Variants in ASIC2 observed in about 807,000 individuals in gnomAD.
ASIC2 encodes the protein acid-sensing ion channel 2.
A neutral mutation model predicts 57.3 loss-of-function variants in ASIC2; 25 were observed. The ratio of observed to expected loss-of-function variants is 0.44; its 90% CI spans 0.32 to 0.61. The LOEUF is 0.61. ASIC2 is among the 20% of genes least tolerant of loss of function. The pLI is 0.06. For synonymous variants in ASIC2, 319 were observed against 307.5 expected, an observed-to-expected ratio of 1.04 and a Z score of -0.39; for missense variants, 641 against 738.1, an observed-to-expected ratio of 0.87 and a Z score of 1.52.
chr17:34,062,065 A>T lies in ASIC2; in HGVS notation c.555+93913T>A, dbSNP rs1180815589. Among the ~76,000 whole-genome samples, 3 of 152,212 alleles carry T rather than the reference A, an allele frequency of 2.0e-5. 1 individual carries two copies. Among genetic ancestry groups the T allele is most frequent in the Admixed American group, 2.0e-4 (3 of 15,284 alleles). The stretch of plus-strand genomic sequence containing the variant: ...GAACATTTCATCCAACAACCATAGA[A>T]TACACATTCTATTCGACAGTGCATG... On this transcript the variant is annotated intron_variant, in intron 1 of 9. Coordinates refer to the ASIC2 transcript ENST00000359872.
intron 1 of ASIC2, among the ~76,000 whole-genome samples, chr17:33,816,469 G>A (rs1296043126): frequency 6.6e-6 from 1 of 152,156 alleles, no homozygotes; most frequent in Non-Finnish European, 1.5e-5. Context: ...GACAGATGAG[G>A]CAAATGAAGC....
chr17:33,873,057 G>A (rs1914460699), intron 1 of ASIC2, among the ~76,000 whole-genome samples: 3 of 152,122 alleles, frequency 2.0e-5, no homozygotes, highest in African/African-American at 4.8e-5. Context: ...AAAACCCAAC[G>A]CAGAACTCCT....
chr17:33,343,886 T>G (rs551021862), intron 1 of ASIC2, among the ~76,000 whole-genome samples: 22 of 152,366 alleles, frequency 1.4e-4, no homozygotes, highest in African/African-American at 5.0e-4. Context: ...GAAAAGCGAC[T>G]GTGCCTTTGC....
chr17:33,665,536 G>A (rs1907443893), intron 1 of ASIC2, among the ~76,000 whole-genome samples: 1 of 152,180 alleles, frequency 6.6e-6, no homozygotes, highest in Non-Finnish European at 1.5e-5. Flanking sequence ...AATCTTTTAA[G>A]AAAAGACAAG....
At chr17:33,128,372 C>A (rs114196237) in intron 1 of ASIC2, among the ~76,000 whole-genome samples, 1 of 152,218 alleles carries the variant, frequency 6.6e-6, no homozygotes, top group Non-Finnish European at 1.5e-5. Flanking sequence ...CTGATTGATG[C>A]TTGTCTCTCC....
intron 1 of ASIC2, among the ~76,000 whole-genome samples, chr17:33,694,211 C>T (rs534628929): frequency 1.4e-4 from 22 of 152,270 alleles, no homozygotes; most frequent in African/African-American, 5.3e-4. Context: ...GGGTTTAAAA[C>T]GTTTAAAACT....
At chr17:34,088,190 T>C (rs1336908557) in intron 1 of ASIC2, among the ~76,000 whole-genome samples, 1 of 152,210 alleles carries the variant, frequency 6.6e-6, no homozygotes, top group African/African-American at 2.4e-5. Flanking sequence ...TTTTGGTCTT[T>C]GATGATGGTG....
chr17:33,574,335 T>C (rs1200910302), intron 1 of ASIC2, among the ~76,000 whole-genome samples: 3 of 152,146 alleles, frequency 2.0e-5, no homozygotes, highest in African/African-American at 7.2e-5. Context: ...CCATTTCTGC[T>C]TCCACTTCTT....
chr17:33,100,258 C>T (rs1051808719), intron 2 of ASIC2: 26 of 152,326 alleles, frequency 1.7e-4, no homozygotes, highest in African/African-American at 5.8e-4. Flanking sequence ...GATCTGGCCT[C>T]TACCTATCTT....
intron 1 of ASIC2, among the ~76,000 whole-genome samples, chr17:33,576,924 G>A (rs1446308685): frequency 6.6e-6 from 1 of 152,178 alleles, no homozygotes; most frequent in Non-Finnish European, 1.5e-5. Flanking sequence ...ACCTCATAGA[G>A]TTGTTGTAAG....
At chr17:33,659,908 AAATAAAT>A (rs1567681654) in intron 1 of ASIC2, among the ~76,000 whole-genome samples, 27 of 144,190 alleles carry the variant, frequency 1.9e-4, no homozygotes, top group Non-Finnish European at 4.1e-4. Flanking sequence ...ATAAATAAAT[AAATAAAT>A]AAAATAAAAA....
chr17:33,464,118 C>G (rs1425259805), intron 1 of ASIC2, among the ~76,000 whole-genome samples: 1 of 152,216 alleles, frequency 6.6e-6, no homozygotes, highest in Non-Finnish European at 1.5e-5. Flanking sequence ...TGTCATTGCT[C>G]ATTTTCCCAG....
At chr17:33,670,795 C>T (rs1400638472) in intron 1 of ASIC2, among the ~76,000 whole-genome samples, 2 of 152,206 alleles carry the variant, frequency 1.3e-5, no homozygotes, top group Non-Finnish European at 2.9e-5. Context: ...AGGACAACCC[C>T]CAGGTAAATG....
chr17:33,903,517 G>A (rs1915274710), intron 1 of ASIC2, among the ~76,000 whole-genome samples: 2 of 152,228 alleles, frequency 1.3e-5, no homozygotes, highest in East Asian at 1.9e-4. Flanking sequence ...CATATTAAAG[G>A]CTCTGACAAA....
chr17:33,023,313 C>T (rs139167111), intron 6 of ASIC2, among the ~76,000 whole-genome samples: 2,341 of 152,050 alleles, frequency 0.015, 45 homozygotes, highest in Middle Eastern at 0.065. Flanking sequence ...CACGGTGAAA[C>T]CCTGTCTCTA....
chr17:33,858,435 C>T (rs1280149572), intron 1 of ASIC2, among the ~76,000 whole-genome samples: 1 of 152,198 alleles, frequency 6.6e-6, no homozygotes, highest in Non-Finnish European at 1.5e-5. Context: ...AGTCCGGGAG[C>T]GATTCCCTCT....
intron 1 of ASIC2, among the ~76,000 whole-genome samples, chr17:34,124,600 A>G (rs1372160591): frequency 1.3e-5 from 2 of 152,174 alleles, no homozygotes; most frequent in Non-Finnish European, 1.5e-5. Flanking sequence ...GCTTAAGGAA[A>G]AATAAACAAA....
intron 1 of ASIC2, among the ~76,000 whole-genome samples, chr17:33,846,481 T>C (rs1302678057): frequency 1.3e-5 from 2 of 152,170 alleles, no homozygotes; most frequent in African/African-American, 2.4e-5. Context: ...GAATCTGATC[T>C]GCAGAGTGGG....
chr17:33,703,022 C>G (rs1908750395), intron 1 of ASIC2, among the ~76,000 whole-genome samples: 1 of 152,048 alleles, frequency 6.6e-6, no homozygotes, highest in African/African-American at 2.4e-5. Context: ...TAATAGTGGC[C>G]TGGAAAGGCC....
Sources: gnomAD v4.1 joint callset for allele counts (sites outside exome capture counted in the v4.1 genomes callset) on GRCh38, gnomAD v4.1.1 for gene constraint, MANE v1.5 for transcripts, NCBI Gene and HGNC (gene_info 2026-07-23, HGNC 2026-07-21) for gene names.